PDK1: variants seen among roughly 807,000 people sequenced by gnomAD.
PDK1 encodes the protein pyruvate dehydrogenase kinase 1.
A neutral mutation model predicts 54.2 loss-of-function variants in PDK1; 39 were observed. The observed-to-expected ratio is 0.72, with a 90% CI of 0.56 to 0.94. PDK1 has a LOEUF of 0.94. Ranked by LOEUF, PDK1 falls within the 40% of genes least tolerant of loss-of-function variation. The probability of loss-of-function intolerance (pLI) is 0.00; values close to 1 mark genes in which losing one functional copy is unlikely to be tolerated. For missense variants in PDK1, 552 were observed against 566.0 expected (o/e 0.98, Z 0.25); for synonymous variants, 221 against 207.1 (o/e 1.07, Z -0.58).
intron 8 of PDK1, among the ~76,000 whole-genome samples, chr2:172,582,259 G>A (rs1000102160): frequency 6.6e-6 from 1 of 152,146 alleles, no homozygotes; most frequent in African/African-American, 2.4e-5. Context: ...TTCATTTACT[G>A]TTGATGATTT....
At chr2:172,656,281 C>G in the PDK1 span, among the ~76,000 whole-genome samples, 4 of 152,138 alleles carry the variant, frequency 2.6e-5, no homozygotes, top group Admixed American at 1.3e-4. Flanking sequence ...ACTATACATT[C>G]AACATTGTTT....
chr2:172,594,461 CT>C (rs1197555908), intron 10 of PDK1, among the ~76,000 whole-genome samples: 2 of 152,034 alleles, frequency 1.3e-5, no homozygotes, highest in African/African-American at 4.8e-5. Context: ...AGCTGATGAG[CT>C]TAAAAAAGAT....
chr2:172,569,680 G>A (rs931698269), intron 7 of PDK1, among the ~76,000 whole-genome samples: 1 of 152,148 alleles, frequency 6.6e-6, no homozygotes, highest in African/African-American at 2.4e-5. Flanking sequence ...CAGCAAAAAT[G>A]TATTTAATAC....
chr2:172,627,630 C>T, the PDK1 span, among the ~76,000 whole-genome samples: 6 of 152,206 alleles, frequency 3.9e-5, no homozygotes, highest in South Asian at 2.1e-4. Flanking sequence ...TGGGCCCCCC[C>T]GAAGCATGGA....
the PDK1 span, among the ~76,000 whole-genome samples, chr2:172,694,636 A>T: frequency 6.6e-6 from 1 of 152,300 alleles, no homozygotes; most frequent in Non-Finnish European, 1.5e-5. Flanking sequence ...ATGGAATGTC[A>T]TCTTGTCCAG....
At chr2:172,650,661 A>C in the PDK1 span, among the ~76,000 whole-genome samples, 1 of 152,194 alleles carries the variant, frequency 6.6e-6, no homozygotes, top group African/African-American at 2.4e-5. Context: ...GAAAACAAAA[A>C]AAAAGCAGGG....
chr2:172,614,736 A>G, the PDK1 span, among the ~76,000 whole-genome samples: 1 of 152,212 alleles, frequency 6.6e-6, no homozygotes, highest in Non-Finnish European at 1.5e-5. Flanking sequence ...ACTTGTCTGC[A>G]TACCTCATTC....
At position 172,599,046 on chromosome 2, in the gene PDK1, A is replaced by G. The variant is rs890493971; in HGVS notation, c.*3077A>G. On this transcript the variant is annotated 3_prime_UTR_variant, in exon 11 of 11. Transcript: ENST00000282077. ...GACTTACCTTAGATTTTTATTTTCC[A>G]TACATACTGCAAATGATTGACTTGT... The G allele has an allele frequency of 6.6e-6, 1 of 152,006 alleles. No individual in the cohort carries two copies. Among genetic ancestry groups the G allele is most frequent in the African/African-American group, 2.4e-5 (1 of 41,404 alleles). 9.4% of individuals were successfully genotyped at this position (152,006 alleles called of 1,614,324 possible).
At chr2:172,640,690 A>G in the PDK1 span, among the ~76,000 whole-genome samples, 2 of 152,318 alleles carry the variant, frequency 1.3e-5, no homozygotes, top group South Asian at 4.1e-4. Context: ...AAGGAGAGGT[A>G]ACCTGCTTTT....
chr2:172,715,643 C>T, the PDK1 span, among the ~76,000 whole-genome samples: 15 of 152,080 alleles, frequency 9.9e-5, no homozygotes, highest in Admixed American at 1.3e-4. Flanking sequence ...AGTGAACAGC[C>T]GGTGGGACAC....
the PDK1 span, among the ~76,000 whole-genome samples, chr2:172,614,638 T>A: frequency 5.6e-3 from 858 of 152,250 alleles, 8 homozygotes; most frequent in African/African-American, 0.019. Context: ...AGCTGAGAGC[T>A]GAACACCCAA....
the PDK1 span, among the ~76,000 whole-genome samples, chr2:172,622,737 TATG>T: frequency 1.4e-5 from 2 of 146,120 alleles, no homozygotes; most frequent in Non-Finnish European, 3.0e-5. Context: ...TATCTCATAT[TATG>T]TGAGATATGT....
At chr2:172,719,482 G>A in the PDK1 span, among the ~76,000 whole-genome samples, 1 of 152,046 alleles carries the variant, frequency 6.6e-6, no homozygotes, top group African/African-American at 2.4e-5. Flanking sequence ...GGTTCAGCTG[G>A]TCTTTTTAAG....
the PDK1 span, among the ~76,000 whole-genome samples, chr2:172,613,719 T>C: frequency 3.9e-5 from 6 of 152,154 alleles, no homozygotes; most frequent in African/African-American, 1.2e-4. Flanking sequence ...CACTTAAAAA[T>C]GTGTAATAAT....
the PDK1 span, among the ~76,000 whole-genome samples, chr2:172,706,385 T>C: frequency 6.6e-6 from 1 of 152,180 alleles, no homozygotes. Context: ...TTCCAACATC[T>C]CTGTCATCCT....
the PDK1 span, among the ~76,000 whole-genome samples, chr2:172,658,760 G>A: frequency 6.6e-6 from 1 of 152,202 alleles, no homozygotes; most frequent in Non-Finnish European, 1.5e-5. Context: ...ATATGCCCTG[G>A]TCTCCTGCAG....
At chr2:172,562,766 G>T (rs1688725362) in intron 3 of PDK1, 3 of 1,606,428 alleles carry the variant, frequency 1.9e-6, no homozygotes, top group African/African-American at 1.3e-5. Flanking sequence ...ATGGTTGCAG[G>T]TCTCTAGTTT....
intron 1 of PDK1, among the ~76,000 whole-genome samples, chr2:172,557,511 CCAGA>C (rs1688401787): frequency 6.6e-6 from 1 of 151,878 alleles, no homozygotes; most frequent in South Asian, 2.1e-4. Context: ...CTTTCAGTAA[CCAGA>C]CAATTGAATA....
At chr2:172,621,714 ATGT>A in the PDK1 span, among the ~76,000 whole-genome samples, 1 of 140,562 alleles carries the variant, frequency 7.1e-6, no homozygotes, top group Non-Finnish European at 1.5e-5. Context: ...TATATCAAAC[ATGT>A]TATATGTTTA....
Sources: allele counts gnomAD v4.1 joint callset (sites outside exome capture counted in the v4.1 genomes callset), GRCh38; gene constraint gnomAD v4.1.1; transcripts MANE v1.5; gene names NCBI Gene and HGNC (gene_info 2026-07-23, HGNC 2026-07-21).